WDFY3: variants seen among roughly 807,000 people sequenced by gnomAD.
WDFY3 encodes the protein WD repeat and FYVE domain containing 3, also known as WD repeat and FYVE domain-containing protein 3.
In WDFY3, 66 loss-of-function variants were observed where a neutral mutation model predicts 409.6. The observed-to-expected ratio is 0.16, with a 90% CI of 0.13 to 0.20. The LOEUF (loss-of-function observed/expected upper bound fraction) is 0.20, where lower values mean the gene tolerates loss of function less well. Among genes scored for constraint, WDFY3 ranks in the 10% least tolerant of loss-of-function variants. The probability of loss-of-function intolerance (pLI) is 1.00; values close to 1 mark genes in which losing one functional copy is unlikely to be tolerated. For synonymous variants in WDFY3, 1,521 were observed against 1,537.1 expected (o/e 0.99, Z 0.25); for missense variants, 3,031 against 4,298.1 (o/e 0.71, Z 8.24).
chr4:84,691,757 T>C lies in WDFY3; in HGVS notation c.9078A>G (p.Val3026=). 3 of 1,613,836 alleles carry C rather than the reference T, an allele frequency of 1.9e-6. No individual in the cohort carries two copies. Among genetic ancestry groups the C allele is most frequent in the Admixed American group, 1.7e-5 (1 of 60,002 alleles). The change falls in exon 60 of 68, where the codon GTA becomes GTG. Residue 3026 remains valine (V), a synonymous_variant. Transcript: ENST00000295888. Reference sequence around the variant, plus strand: ...CCGCAAGAATACCTTTATCTGTACATACGATTTGTCCTACAGGTTCTTTGA... The same window carrying C: ...CCGCAAGAATACCTTTATCTGTACACACGATTTGTCCTACAGGTTCTTTGA... ...KELKEPVGQI[V]CTDKGILAVE...
At chr4:84,702,872 G>A (rs1189328049) in intron 55 of WDFY3, among the ~76,000 whole-genome samples, 3 of 152,216 alleles carry the variant, frequency 2.0e-5, no homozygotes, top group South Asian at 2.1e-4. Context: ...CGAGGCGGGC[G>A]GATCACGAGG....
chr4:84,796,863 T>G lies in WDFY3; in HGVS notation c.2936-111A>C, dbSNP rs911504745. 1.1e-5 allele frequency: 9 copies of G among 831,524 alleles called. No individual in the cohort carries two copies. In the African/African-American group the frequency reaches 1.6e-4, roughly 14 times the overall value. The allele number at this position is 831,524 out of a possible 1,614,324, so 51.5% of individuals were successfully genotyped here. On this transcript the variant is annotated intron_variant, in intron 18 of 67. Transcript: ENST00000295888. ...TCAGTTTCAATAGACAATAATTTTT[T>G]TTTAAGTGCCAAGATCATTATCCAG...
rs2218323 is a variant in WDFY3 at position 84,705,665 on chromosome 4, A to G, written c.8218-154T>C. ...TAACTGGACTCCAAAATAATGCTAT[A>G]TATGTACTGTTTATACACACTTTAC... On this transcript the variant is annotated intron_variant, in intron 53 of 67. Transcript: ENST00000295888. Among the ~76,000 whole-genome samples the G allele has an allele frequency of 0.53, 80,251 of 152,134 alleles. 24,093 individuals carry two copies. Among genetic ancestry groups the G allele is most frequent in the African/African-American group, 0.83 (34,486 of 41,516 alleles).
intron 1 of WDFY3, among the ~76,000 whole-genome samples, chr4:84,961,756 T>TA (rs1774953327): frequency 6.6e-6 from 1 of 152,118 alleles, no homozygotes; most frequent in African/African-American, 2.4e-5. Context: ...ACTACACATA[T>TA]AATAAATGGC....
At chr4:84,742,278 T>C (rs1738567438) in intron 37 of WDFY3, among the ~76,000 whole-genome samples, 1 of 152,158 alleles carries the variant, frequency 6.6e-6, no homozygotes, top group African/African-American at 2.4e-5. Flanking sequence ...GTGTATGTAA[T>C]AAAGGGTAAA....
chr4:84,947,710 CAAA>C (rs1176852063), intron 1 of WDFY3, among the ~76,000 whole-genome samples: 3 of 77,470 alleles, frequency 3.9e-5, no homozygotes, highest in African/African-American at 4.7e-5. Context: ...CCACATCTAC[CAAA>C]AAAAAAAAAA....
chr4:84,775,854 C>T (rs527877373), intron 27 of WDFY3, among the ~76,000 whole-genome samples: 9 of 151,844 alleles, frequency 5.9e-5, no homozygotes, highest in African/African-American at 1.9e-4. Flanking sequence ...TCAACTAGAA[C>T]TCTATTCCAT....
rs574648459 is a variant in WDFY3 at position 84,725,565 on chromosome 4, C to T, written c.7273-971G>A. ...TTGTATGTATATAGGTTCCTCGGAT[C>T]GGAATTAGACCCAGACTATGGATTA... On this transcript the variant is annotated intron_variant, in intron 45 of 67. Transcript: ENST00000295888. Among the ~76,000 whole-genome samples the T allele has an allele frequency of 9.2e-5, 14 of 152,154 alleles. No homozygotes were observed. In the South Asian group the frequency reaches 2.5e-3, roughly 27 times the overall value.
intron 2 of WDFY3, among the ~76,000 whole-genome samples, chr4:84,915,064 G>C (rs1177250087): frequency 1.3e-5 from 2 of 152,202 alleles, no homozygotes; most frequent in East Asian, 3.9e-4. Context: ...AGTGAAAAAA[G>C]CCAGACTCAA....
Position 84,868,339 on chromosome 4 carries a change from C to T in WDFY3, c.-31-7717G>A, listed in dbSNP as rs539998865. Among the ~76,000 whole-genome samples the T allele has an allele frequency of 1.5e-4, 23 of 151,874 alleles. No individual in the cohort carries two copies. The South Asian group carries it at 4.6e-3, about 30-fold the overall frequency. On this transcript the variant is annotated intron_variant, in intron 3 of 67. Transcript: ENST00000295888. ...ATAAAGGCAAAACTCTGAGATGATC[C>T]CAACAAACTGGGTATATAAACCAGC...
At chr4:84,708,877 GT>G in intron 53 of WDFY3, 31 bp downstream of exon 53, 1 of 1,605,568 alleles carries the variant, frequency 6.2e-7, no homozygotes, top group Non-Finnish European at 8.5e-7. Flanking sequence ...TTGAAAATGT[GT>G]TCTACGTAAG....
chr4:84,899,064 A>G (rs1391220633), intron 2 of WDFY3, among the ~76,000 whole-genome samples: 4 of 152,216 alleles, frequency 2.6e-5, no homozygotes, highest in South Asian at 4.1e-4. Context: ...GCTATACCCA[A>G]TTTCTAGGAT....
chr4:84,854,836 G>A (rs1180262194), intron 4 of WDFY3, among the ~76,000 whole-genome samples: 3 of 152,198 alleles, frequency 2.0e-5, no homozygotes, highest in Non-Finnish European at 4.4e-5. Flanking sequence ...TTGAACCTGG[G>A]AGGTGGAGGT....
rs192617938 is a variant in WDFY3, at chr4:84,683,444, A to G, written c.9726+499T>C. ...CAAAAGTGAATACTCCATTGCCTCT[A>G]TTTTCTGTAGAGTCCCAGCACATAG... On this transcript the variant is annotated intron_variant, in intron 63 of 67. Transcript: ENST00000295888. 2.4e-4 allele frequency among the ~76,000 whole-genome samples: 37 copies of G among 152,316 alleles called. No homozygotes were observed. In the South Asian group the frequency reaches 4.4e-3, roughly 18 times the overall value.
intron 1 of WDFY3, among the ~76,000 whole-genome samples, chr4:84,965,247 G>GT (rs1015623010): frequency 3.9e-5 from 6 of 152,170 alleles, no homozygotes; most frequent in Admixed American, 3.9e-4. Context: ...ATAGGGTTTT[G>GT]TTTTTCCTTT....
chr4:84,780,284 C>T lies in WDFY3; in HGVS notation c.4189G>A (p.Val1397Ile). The change falls in exon 26 of 68, where the codon GTC becomes ATC. Residue 1397 changes from valine to isoleucine, a missense_variant. By Grantham distance (29) the Val-to-Ile change is conservative. Transcript: ENST00000295888. ...AAAGTAGTGGCAACAGGCTTAGGGA[C>T]AAATGTTCTTACTCCTGATTAAAAG... ...LIGYLGVRTF[V>I]PKPVATTLQY... 1 of 1,609,864 alleles carries T rather than the reference C, an allele frequency of 6.2e-7. No homozygotes were observed. Among genetic ancestry groups the T allele is most frequent in the Non-Finnish European group, 8.5e-7 (1 of 1,178,538 alleles).
chr4:84,809,952 G>A lies in WDFY3; in HGVS notation c.2280C>T (p.Pro760=). ...EDVISIESVS[P]TLRHCSKLFI... is the part of the protein sequence containing the mutation. ...AAAGTTTACTGCAGTGCCGTAACGT[G>A]GGTGACACTGATTCTATTGAGATTA... Residue 760 remains proline (P), a synonymous_variant, in exon 14 of 68, where the codon CCC becomes CCT. Coordinates refer to ENST00000295888, the MANE Select transcript of WDFY3 (RefSeq NM_014991.6). The A allele has an allele frequency of 6.2e-7, 1 of 1,614,130 alleles. No individual in the cohort carries two copies. Among genetic ancestry groups the A allele is most frequent in the Non-Finnish European group, 8.5e-7 (1 of 1,180,000 alleles).
In WDFY3 at chr4:84,820,150, T is replaced by C. The variant is rs1446484315; in HGVS notation, c.1628A>G (p.Lys543Arg). Residue 543 changes from lysine to arginine, a missense_variant, in exon 12 of 68, where the codon AAA becomes AGA. Lys to Arg is a conservative substitution (Grantham distance 26). This residue lies in a region of WDFY3 where 1,322 missense variants were observed against 1,697.9 expected (regional missense o/e 0.78). Transcript: ENST00000295888. ...CTCCATAACCAATAAAGCCAGGTGT[T>C]TTTGGTCTTCAACTGAACTATTATT... ...SRNNSSVEDQ[K>R]HLALLVMETL... 1.2e-6 allele frequency: 2 copies of C among 1,609,278 alleles called. No homozygotes were observed. The highest frequency in any genetic ancestry group is 1.7e-6 in the Non-Finnish European group (2 of 1,177,116).
rs1752588331 is a variant in WDFY3, at chr4:84,812,089, CAT to C, written c.1888-1747_1888-1746del. On this transcript the variant is annotated intron_variant, in intron 13 of 67. Transcript: ENST00000295888. ...TATTAATATATTAGTCACCTTTTGA[CAT>C]ATACTGTTTCAGAAGTTATGAAGAT... Among the ~76,000 whole-genome samples the C allele has an allele frequency of 2.0e-5, 3 of 152,242 alleles. No homozygotes were observed. The South Asian group carries it at 6.2e-4, about 32-fold the overall frequency.
Sources: gnomAD v4.1 joint callset for allele counts (sites outside exome capture counted in the v4.1 genomes callset) on GRCh38, gnomAD v4.1.1 for gene constraint, gnomAD v4.1.1 regional missense constraint, MANE v1.5 for transcripts, NCBI Gene and HGNC (gene_info 2026-07-23, HGNC 2026-07-21) for gene names.